CEP350: variants seen among roughly 807,000 people sequenced by gnomAD.
The protein encoded by CEP350 is centrosomal protein 350.
CEP350 carries 126 observed loss-of-function variants against 331.8 expected under a neutral mutation model. The observed-to-expected ratio is 0.38, with a 90% CI of 0.33 to 0.44. The LOEUF (loss-of-function observed/expected upper bound fraction) is 0.44, where lower values mean the gene tolerates loss of function less well. Ranked by LOEUF, CEP350 falls within the 20% of genes least tolerant of loss-of-function variation. The pLI, the probability that CEP350 is intolerant of heterozygous loss-of-function variation, is 1.00. For synonymous variants in CEP350, 1,200 were observed against 1,259.5 expected (o/e 0.95, Z 1.00); for missense variants, 3,406 against 3,634.6 (o/e 0.94, Z 1.62).
intron 11 of CEP350, among the ~76,000 whole-genome samples, chr1:180,016,260 G>A (rs1289388098): frequency 6.6e-6 from 1 of 152,214 alleles, no homozygotes; most frequent in Non-Finnish European, 1.5e-5. Context: ...TTGGATGAAT[G>A]AATGATGGTG....
chr1:180,052,820 G>T (rs1041891786), intron 22 of CEP350, 150 bp from the exon 23 acceptor site: 3 of 412,200 alleles, frequency 7.3e-6, no homozygotes, highest in Non-Finnish European at 1.3e-5. Flanking sequence ...TAAGGCAAAT[G>T]AATTTTGTTT....
At chr1:180,051,209 A>C (rs1000238697) in intron 22 of CEP350, among the ~76,000 whole-genome samples, 5 of 152,236 alleles carry the variant, frequency 3.3e-5, no homozygotes, top group Non-Finnish European at 7.3e-5. Flanking sequence ...AAAAGGAATA[A>C]TCTTTTGATT....
chr1:179,990,780 C>T (rs1558082804), intron 4 of CEP350, among the ~76,000 whole-genome samples, 159 bp downstream of exon 4: 2 of 152,224 alleles, frequency 1.3e-5, no homozygotes, highest in East Asian at 3.9e-4. Flanking sequence ...TTGTCTTGAA[C>T]TCCTGGCCTT....
At chr1:180,069,317 C>G (rs1658746871) in intron 27 of CEP350, among the ~76,000 whole-genome samples, 1 of 152,072 alleles carries the variant, frequency 6.6e-6, no homozygotes, top group Non-Finnish European at 1.5e-5. Flanking sequence ...ATTTCTCTGT[C>G]CAAAAGTACT....
intron 8 of CEP350, among the ~76,000 whole-genome samples, chr1:180,007,684 C>G (rs906948950): frequency 6.6e-6 from 1 of 152,076 alleles, no homozygotes; most frequent in African/African-American, 2.4e-5. Context: ...TTGCCCGTGC[C>G]TATGTCCTGA....
intron 11 of CEP350, among the ~76,000 whole-genome samples, chr1:180,018,099 G>A (rs1315217772): frequency 6.6e-6 from 1 of 152,094 alleles, no homozygotes; most frequent in East Asian, 1.9e-4. Flanking sequence ...TCAACCTCTT[G>A]GACTCAAGTG....
chr1:180,042,130 T>TCACA (rs533781557), intron 19 of CEP350, among the ~76,000 whole-genome samples: 965 of 69,190 alleles, frequency 0.014, 3 homozygotes, highest in Non-Finnish European at 0.023. Flanking sequence ...GTGAGTTTTC[T>TCACA]CTCACACACA....
At chr1:180,100,261 T>A (rs1035522114) in intron 37 of CEP350, among the ~76,000 whole-genome samples, 2 of 152,236 alleles carry the variant, frequency 1.3e-5, no homozygotes, top group Non-Finnish European at 2.9e-5. Context: ...GATTCAAAGA[T>A]GTTAAGTGAC....
chr1:180,049,067 C>CA (rs1229524985), intron 22 of CEP350, among the ~76,000 whole-genome samples: 44 of 149,720 alleles, frequency 2.9e-4, no homozygotes, highest in African/African-American at 9.5e-4. Flanking sequence ...GAACCTGTCT[C>CA]AAAAAAAAAT....
chr1:179,994,456 C>CTTTTTTTTTTTTTTTT (rs532002663), intron 5 of CEP350, among the ~76,000 whole-genome samples: 1 of 136,004 alleles, frequency 7.4e-6, no homozygotes, highest in Non-Finnish European at 1.6e-5. Flanking sequence ...TTCTTTCTTT[C>CTTTTTTTTTTTTTTTT]TTTTTTTTTT....
In CEP350 at chr1:179,985,681, G is replaced by A. The variant is rs375485589; in HGVS notation, c.-13-488G>A. Among the ~76,000 whole-genome samples, 5 of 152,316 alleles carry A rather than the reference G, an allele frequency of 3.3e-5. No individual in the cohort carries two copies. In the South Asian group the frequency reaches 6.2e-4, roughly 19 times the overall value. Reference sequence around the variant, plus strand: ...GTGGCAGGAGAGAGAATTAGTGCAAGCAGGGGAAATGCCAGACGCTTATAA... The same window carrying A: ...GTGGCAGGAGAGAGAATTAGTGCAAACAGGGGAAATGCCAGACGCTTATAA... On this transcript the variant is annotated intron_variant, in intron 1 of 37. Transcript: ENST00000367607.
Position 180,078,555 on chromosome 1 carries a change from G to C in CEP350, c.5860G>C (p.Glu1954Gln), listed in dbSNP as rs1335661435. The C allele has an allele frequency of 2.5e-6, 4 of 1,613,400 alleles. No individual in the cohort carries two copies. The Admixed American group carries it at 6.7e-5, about 27-fold the overall frequency. The change falls in exon 29 of 38, where the codon GAA (glutamate) becomes CAA (glutamine). Residue 1954 changes from glutamate (E) to glutamine (Q), a missense_variant. Coordinates refer to ENST00000367607, the MANE Select transcript of CEP350 (RefSeq NM_014810.5). ...AGAAGAATTAGGCAGCCCTGCTGTT[G>C]AATATGTACCATCCGAGTCTATAGG... ...IPEELGSPAV[E>Q]YVPSESIGQE...
intron 1 of CEP350, among the ~76,000 whole-genome samples, chr1:179,965,174 C>G (rs950324634): frequency 2.6e-5 from 4 of 151,992 alleles, no homozygotes; most frequent in Non-Finnish European, 4.4e-5. Flanking sequence ...TAGTTAGGAG[C>G]AAGTTGTTTA....
rs368089791 is a variant in CEP350, at chr1:180,034,118, C to T, written c.3946+36C>T. The T allele has an allele frequency of 1.3e-5, 21 of 1,576,546 alleles. No homozygotes were observed. In the African/African-American group the frequency reaches 1.8e-4, roughly 13 times the overall value. Reference sequence around the variant, plus strand: ...TCATGCAATTGTAATTTTTAGAATACGATATGAAATTTTTTTCTCTCAACA... The same window carrying T: ...TCATGCAATTGTAATTTTTAGAATATGATATGAAATTTTTTTCTCTCAACA... On this transcript the variant is annotated intron_variant, in intron 16 of 37. Transcript: ENST00000367607.
intron 11 of CEP350, among the ~76,000 whole-genome samples, chr1:180,018,255 T>C (rs1416843206): frequency 6.6e-6 from 1 of 152,062 alleles, no homozygotes; most frequent in African/African-American, 2.4e-5. Flanking sequence ...CCTCAAGTGA[T>C]TGATTCTTCT....
At chr1:180,066,117 TAAAG>T (rs1658535827) in intron 27 of CEP350, among the ~76,000 whole-genome samples, 1 of 152,190 alleles carries the variant, frequency 6.6e-6, no homozygotes, top group African/African-American at 2.4e-5. Context: ...TAAAGACTCT[TAAAG>T]AAAGCTACTC....
rs1660267102 is a variant in CEP350 at position 180,092,671 on chromosome 1, C to G, written c.6566C>G (p.Ala2189Gly). The change falls in exon 34 of 38, where the codon GCA (alanine) becomes GGA (glycine). Residue 2189 changes from alanine (A) to glycine (G), a missense_variant. Ala to Gly is a moderately conservative substitution (Grantham distance 60, BLOSUM62 0). This residue lies in a region of CEP350 where 1,415 missense variants were observed against 1,512.3 expected (regional missense o/e 0.94). Coordinates refer to ENST00000367607, the MANE Select transcript of CEP350 (RefSeq NM_014810.5). ...SVSERSLSAY[A>G]KRVNEWDSRT... ...TCAGAAAGGTCTTTATCTGCATATG[C>G]AAAGAGAGTAAATGAATGGGACAGT... 3 of 1,612,552 alleles carry G rather than the reference C, an allele frequency of 1.9e-6. No individual in the cohort carries two copies. Among genetic ancestry groups the G allele is most frequent in the Non-Finnish European group, 2.5e-6 (3 of 1,179,306 alleles).
rs138071628 is a variant in CEP350, at chr1:179,973,747, T to C, written c.-13-12422T>C. Reference sequence around the variant, plus strand: ...GTGTTCCTTGTAGTTTATTTTACTATGTATTCTTACAGGCTACTTGCAAAA... The same window carrying C: ...GTGTTCCTTGTAGTTTATTTTACTACGTATTCTTACAGGCTACTTGCAAAA... On this transcript the variant is annotated intron_variant, in intron 1 of 37. Coordinates refer to ENST00000367607, the MANE Select transcript of CEP350 (RefSeq NM_014810.5). Among the ~76,000 whole-genome samples, 11 of 152,372 alleles carry C rather than the reference T, an allele frequency of 7.2e-5. No homozygotes were observed. In the East Asian group the frequency reaches 2.1e-3, roughly 29 times the overall value.
At chr1:180,071,099 G>C (rs909113867) in intron 27 of CEP350, among the ~76,000 whole-genome samples, 4 of 134,164 alleles carry the variant, frequency 3.0e-5, no homozygotes, top group Non-Finnish European at 3.1e-5. Flanking sequence ...AGTGAGCCAA[G>C]ATCATGCCAT....
Sources: allele counts gnomAD v4.1 joint callset (sites outside exome capture counted in the v4.1 genomes callset), GRCh38; gene constraint gnomAD v4.1.1; regional missense constraint gnomAD v4.1.1; transcripts MANE v1.5; gene names NCBI Gene and HGNC (gene_info 2026-07-23, HGNC 2026-07-21).